Variants in SPIRE1 observed in about 807,000 individuals in gnomAD.
The protein encoded by SPIRE1 is spire type actin nucleation factor 1.
Under a neutral mutation model 94.1 loss-of-function variants are expected in SPIRE1, and 40 were observed. That is an observed-to-expected ratio of 0.43 (90% CI 0.33 to 0.55). The LOEUF (loss-of-function observed/expected upper bound fraction) is 0.55, where lower values mean the gene tolerates loss of function less well. Ranked by LOEUF, SPIRE1 falls within the 20% of genes least tolerant of loss-of-function variation. The pLI, the probability that SPIRE1 is intolerant of heterozygous loss-of-function variation, is 0.06. For synonymous variants in SPIRE1, 376 were observed against 371.7 expected (o/e 1.01, Z -0.13); for missense variants, 838 against 975.2 (o/e 0.86, Z 1.87).
intron 1 of SPIRE1, among the ~76,000 whole-genome samples, chr18:12,657,262 C>CGGCCCGCA (rs1292262709): frequency 6.8e-6 from 1 of 147,862 alleles, no homozygotes; most frequent in Non-Finnish European, 1.5e-5. Flanking sequence ...GAGCGCCCCG[C>CGGCCCGCA]GGCCCGCAGG....
chr18:12,587,803 G>C (rs1428421552), intron 2 of SPIRE1, among the ~76,000 whole-genome samples: 1 of 152,088 alleles, frequency 6.6e-6, no homozygotes, highest in Non-Finnish European at 1.5e-5. Flanking sequence ...CTTTCAAATT[G>C]CTTAATAAAA....
chr18:12,516,958 T>C (rs2034213789), intron 4 of SPIRE1, among the ~76,000 whole-genome samples: 1 of 152,226 alleles, frequency 6.6e-6, no homozygotes, highest in South Asian at 2.1e-4. Context: ...TTGAAGACAA[T>C]TGAAATGGTC....
At chr18:12,474,128 C>T (rs1389420530) in intron 10 of SPIRE1, among the ~76,000 whole-genome samples, 1 of 152,194 alleles carries the variant, frequency 6.6e-6, no homozygotes, top group East Asian at 1.9e-4. Context: ...TTTACATACA[C>T]GTGACAGCAT....
chr18:12,539,926 T>TA (rs71172096), intron 3 of SPIRE1, among the ~76,000 whole-genome samples: 3,605 of 120,106 alleles, frequency 0.03, 56 homozygotes, highest in Middle Eastern at 0.065. Context: ...GACTCTGTCT[T>TA]AAAAAAAAAA....
At chr18:12,522,370 G>C (rs1394980230) in intron 4 of SPIRE1, among the ~76,000 whole-genome samples, 2 of 152,162 alleles carry the variant, frequency 1.3e-5, no homozygotes, top group Non-Finnish European at 2.9e-5. Context: ...AGAAGCTGCA[G>C]GAGGAAAGTT....
chr18:12,562,775 G>A (rs1453246729), intron 2 of SPIRE1, among the ~76,000 whole-genome samples: 1 of 151,666 alleles, frequency 6.6e-6, no homozygotes, highest in Admixed American at 6.6e-5. Context: ...CTCCCAACGT[G>A]CTGGGATTAC....
chr18:12,658,270 G>T (rs866327815), upstream of SPIRE1: 12 of 457,852 alleles, frequency 2.6e-5, no homozygotes, highest in Middle Eastern at 5.1e-3. Context: ...AGCCCGCAGG[G>T]CTCTCAGAGT....
chr18:12,637,985 C>T (rs1031996045), intron 1 of SPIRE1, among the ~76,000 whole-genome samples: 2 of 152,142 alleles, frequency 1.3e-5, no homozygotes, highest in African/African-American at 2.4e-5. Context: ...GAGTAACTCA[C>T]GGTAATATGA....
rs1555634098 is a variant in SPIRE1 at position 12,626,867 on chromosome 18, A to AATATATATATATATATAT, written c.372+8177_372+8194dup. Among the ~76,000 whole-genome samples the AATATATATATATATATAT allele has an allele frequency of 2.1e-3, 228 of 110,324 alleles. 1 individual carries two copies. Among genetic ancestry groups the AATATATATATATATATAT allele is most frequent in the Non-Finnish European group, 2.8e-3 (152 of 55,150 alleles). The allele number at this position is 110,324 out of a possible 152,430, so 72.4% of individuals were successfully genotyped here. Reference sequence around the variant, plus strand: ...GTACTTGGAATATAGTAAGCTGTAAAATATATATATATATATATATTTTTT... The same window carrying AATATATATATATATATAT: ...GTACTTGGAATATAGTAAGCTGTAAAATATATATATATATATATATATATATATATATATATATTTTTT... On this transcript the variant is annotated intron_variant, in intron 2 of 16. Transcript: ENST00000409402.
chr18:12,485,467 A>C (rs957571782), intron 9 of SPIRE1, among the ~76,000 whole-genome samples: 3 of 152,238 alleles, frequency 2.0e-5, no homozygotes, highest in Admixed American at 6.5e-5. Context: ...TCCACTGAGC[A>C]CAAAGATACA....
At chr18:12,606,307 T>C (rs1240213137) in intron 2 of SPIRE1, among the ~76,000 whole-genome samples, 1 of 152,082 alleles carries the variant, frequency 6.6e-6, no homozygotes, top group African/African-American at 2.4e-5. Flanking sequence ...AAAACAACTG[T>C]CTGGCACATT....
chr18:12,492,752 A>G (rs1004742903), intron 8 of SPIRE1, among the ~76,000 whole-genome samples: 1 of 152,218 alleles, frequency 6.6e-6, no homozygotes, highest in Non-Finnish European at 1.5e-5. Flanking sequence ...TGATGCTCAG[A>G]GAGGTAAAGA....
intron 2 of SPIRE1, among the ~76,000 whole-genome samples, chr18:12,556,576 G>C (rs1320151675): frequency 6.6e-6 from 1 of 152,196 alleles, no homozygotes; most frequent in Non-Finnish European, 1.5e-5. Context: ...CTTCCTTCTG[G>C]TGGGTTCATG....
intron 9 of SPIRE1, 101 bp from the exon 10 acceptor site, chr18:12,479,972 C>T: frequency 8.8e-7 from 1 of 1,137,142 alleles, no homozygotes; most frequent in South Asian, 1.6e-5. Context: ...AACACAGAGG[C>T]TTGATTCAGT....
rs189042638 is a variant in SPIRE1, at chr18:12,453,499, T to A, written c.1777-361A>T. Among the ~76,000 whole-genome samples, 124 of 151,300 alleles carry A rather than the reference T, an allele frequency of 8.2e-4. 1 individual carries two copies. The highest frequency in any genetic ancestry group is 2.7e-3 in the African/African-American group (110 of 41,136). On this transcript the variant is annotated intron_variant, in intron 13 of 16. Transcript: ENST00000409402. ...CCTAGGCTGGAGTGCAATGGCATGATCTTGGCTCACTGCAAGCTCCGCCTC... is the reference window on the plus strand; with the variant it reads ...CCTAGGCTGGAGTGCAATGGCATGAACTTGGCTCACTGCAAGCTCCGCCTC...
chr18:12,577,674 C>A (rs775934377), intron 2 of SPIRE1, among the ~76,000 whole-genome samples: 5 of 152,040 alleles, frequency 3.3e-5, no homozygotes, highest in Non-Finnish European at 7.4e-5. Context: ...TGATCAAAAT[C>A]AAAACTTTTA....
At chr18:12,546,255 C>T (rs1222253523) in intron 3 of SPIRE1, among the ~76,000 whole-genome samples, 1 of 152,136 alleles carries the variant, frequency 6.6e-6, no homozygotes, top group Non-Finnish European at 1.5e-5. Context: ...TCCCAAAGTG[C>T]TGGGATTACA....
chr18:12,557,731 T>A lies in SPIRE1; in HGVS notation c.373-10827A>T, dbSNP rs1044900815. On this transcript the variant is annotated intron_variant, in intron 2 of 16. Transcript: ENST00000409402. ...ATATACAAATATATATATATATATA[T>A]AAAATACCACAAATATACAAATACT... Among the ~76,000 whole-genome samples the A allele has an allele frequency of 1.4e-3, 214 of 150,604 alleles. 1 individual carries two copies. Among genetic ancestry groups the A allele is most frequent in the African/African-American group, 5.0e-3 (208 of 41,232 alleles).
chr18:12,461,661 T>C lies in SPIRE1; in HGVS notation c.1638+1690A>G, dbSNP rs544730565. Among the ~76,000 whole-genome samples, 10 of 148,950 alleles carry C rather than the reference T, an allele frequency of 6.7e-5. 1 individual carries two copies. In the South Asian group the frequency reaches 1.1e-3, roughly 16 times the overall value. ...TATATTTTTAGAGACAGGGTCTTGC[T>C]GTGTCATCTACGCTGGGGTGGAGTG... is the stretch of plus-strand genomic sequence containing the variant. On this transcript the variant is annotated intron_variant, in intron 12 of 16. Coordinates refer to ENST00000409402, the MANE Select transcript of SPIRE1 (RefSeq NM_001128626.2).
Sources: allele counts gnomAD v4.1 joint callset (sites outside exome capture counted in the v4.1 genomes callset), GRCh38; gene constraint gnomAD v4.1.1; transcripts MANE v1.5; gene names NCBI Gene and HGNC (gene_info 2026-07-23, HGNC 2026-07-21).